The following BMPR1A variants were observed in gnomAD, a reference collection of about 807,000 sequenced individuals.
The protein encoded by BMPR1A is bone morphogenetic protein receptor type 1A.
BMPR1A carries 7 observed loss-of-function variants against 66.0 expected under a neutral mutation model. The ratio of observed to expected loss-of-function variants is 0.11; its 90% CI spans 0.06 to 0.20. The LOEUF (loss-of-function observed/expected upper bound fraction) is 0.20. Ranked by LOEUF, BMPR1A falls within the 10% of genes least tolerant of loss-of-function variation. BMPR1A has a pLI of 1.00. For missense variants in BMPR1A, 408 were observed against 669.1 expected, an observed-to-expected ratio of 0.61 and a Z score of 4.31; for synonymous variants, 200 against 229.7, an observed-to-expected ratio of 0.87 and a Z score of 1.17.
intron 2 of BMPR1A, among the ~76,000 whole-genome samples, chr10:86,869,974 C>T (rs1842834509): frequency 6.6e-6 from 1 of 151,754 alleles, no homozygotes; most frequent in Non-Finnish European, 1.5e-5. Flanking sequence ...TAAGTAATTC[C>T]CCAAAATCAC....
chr10:86,866,221 C>CTT (rs567037609), intron 2 of BMPR1A, among the ~76,000 whole-genome samples: 27 of 124,008 alleles, frequency 2.2e-4, no homozygotes, highest in African/African-American at 5.9e-4. Context: ...GAAGAGGGAG[C>CTT]TTTTTTTTTT....
At chr10:86,917,366 G>A in intron 9 of BMPR1A, 40 bp downstream of exon 9, 3 of 1,608,956 alleles carry the variant, frequency 1.9e-6, no homozygotes, top group Non-Finnish European at 2.6e-6. Context: ...TTTTTGACAA[G>A]GCTAGTGAGG....
intron 1 of BMPR1A, among the ~76,000 whole-genome samples, chr10:86,782,518 T>A (rs559910528): frequency 6.6e-6 from 1 of 150,922 alleles, no homozygotes; most frequent in East Asian, 1.9e-4. Context: ...TTGTTTTTTG[T>A]TTTTTTTTGA....
At chr10:86,840,099 G>C (rs1212396653) in intron 2 of BMPR1A, among the ~76,000 whole-genome samples, 3 of 152,212 alleles carry the variant, frequency 2.0e-5, no homozygotes, top group Non-Finnish European at 2.9e-5. Context: ...CAGGCTTACT[G>C]TTTTAAAATC....
chr10:86,874,663 T>C, intron 2 of BMPR1A, among the ~76,000 whole-genome samples: 1 of 148,726 alleles, frequency 6.7e-6, no homozygotes, highest in Non-Finnish European at 1.5e-5. Context: ...CACCTCAGCC[T>C]CTCAAAGTGC....
At chr10:86,820,396 A>C (rs1353246316) in intron 1 of BMPR1A, among the ~76,000 whole-genome samples, 2 of 151,038 alleles carry the variant, frequency 1.3e-5, no homozygotes, top group Non-Finnish European at 2.9e-5. Context: ...TTCTTAGAGA[A>C]GCTAGAGGGT....
intron 10 of BMPR1A, among the ~76,000 whole-genome samples, chr10:86,920,270 G>C (rs1291567162): frequency 6.6e-6 from 1 of 152,154 alleles, no homozygotes; most frequent in African/African-American, 2.4e-5. Context: ...TTAAACTATG[G>C]TATGTTGCAT....
intron 1 of BMPR1A, among the ~76,000 whole-genome samples, chr10:86,827,488 C>G (rs767329931): frequency 6.6e-6 from 1 of 152,116 alleles, no homozygotes; most frequent in Non-Finnish European, 1.5e-5. Flanking sequence ...GGAAAAAATA[C>G]TGCTTTAAAT....
intron 1 of BMPR1A, among the ~76,000 whole-genome samples, chr10:86,816,211 T>TTTAA: frequency 6.6e-6 from 1 of 152,334 alleles, no homozygotes; most frequent in East Asian, 1.9e-4. Flanking sequence ...GTGCTGTAAC[T>TTTAA]TTAAAATAAT....
At chr10:86,802,059 A>G (rs1175286709) in intron 1 of BMPR1A, among the ~76,000 whole-genome samples, 2 of 151,928 alleles carry the variant, frequency 1.3e-5, no homozygotes, top group African/African-American at 2.4e-5. Flanking sequence ...TGCATTCCTC[A>G]GGCCATTTTT....
At chr10:86,796,277 T>C (rs1309220018) in intron 1 of BMPR1A, among the ~76,000 whole-genome samples, 38 of 152,274 alleles carry the variant, frequency 2.5e-4, no homozygotes, top group Non-Finnish European at 8.8e-5. Context: ...AATATGTGAC[T>C]GGTCCCTTTT....
At chr10:86,922,810 C>T (rs1316005649) in intron 11 of BMPR1A, among the ~76,000 whole-genome samples, 1 of 152,260 alleles carries the variant, frequency 6.6e-6, no homozygotes, top group African/African-American at 2.4e-5. Context: ...GCAGTACACA[C>T]CACATTGTTT....
chr10:86,813,351 G>A (rs1376385948), intron 1 of BMPR1A, among the ~76,000 whole-genome samples: 3 of 152,116 alleles, frequency 2.0e-5, no homozygotes, highest in African/African-American at 7.2e-5. Flanking sequence ...ATATCTCCAA[G>A]AAGCCTTGGG....
At chr10:86,912,166 A>G (rs1229564719) in intron 7 of BMPR1A, 74 bp from the exon 8 acceptor site, 3 of 1,510,364 alleles carry the variant, frequency 2.0e-6, no homozygotes, top group East Asian at 4.6e-5. Context: ...AATGGTATAG[A>G]GAACCTCAAG....
chr10:86,850,517 G>A (rs184013604), intron 2 of BMPR1A, among the ~76,000 whole-genome samples: 142 of 152,256 alleles, frequency 9.3e-4, no homozygotes, highest in Non-Finnish European at 2.4e-4. Context: ...TAGCCAGCTT[G>A]CAAGCTAGCC....
In BMPR1A at chr10:86,805,461, CTTTTTTT is replaced by C. The variant is rs1332479141; in HGVS notation, c.-267-33392_-267-33386del. ...CCTTTACCCTTACTATTTCAGTTTC[CTTTTTTT>C]TTTTTTTTTTTGAGACGGAGTCTCG... On this transcript the variant is annotated intron_variant, in intron 1 of 12. Coordinates refer to ENST00000372037, the MANE Select transcript of BMPR1A (RefSeq NM_004329.3). Among the ~76,000 whole-genome samples the C allele has an allele frequency of 2.8e-5, 3 of 109,050 alleles. 1 individual carries two copies. Among genetic ancestry groups the C allele is most frequent in the South Asian group, 3.2e-4 (1 of 3,112 alleles). 71.5% of individuals were successfully genotyped at this position (109,050 alleles called of 152,430 possible). A position where few individuals can be genotyped will look rare whatever the true frequency, so the allele number is the denominator to read the frequency against.
intron 1 of BMPR1A, among the ~76,000 whole-genome samples, chr10:86,788,853 C>G (rs1464199402): frequency 6.6e-6 from 1 of 152,112 alleles, no homozygotes; most frequent in East Asian, 1.9e-4. Context: ...GCGATTCACC[C>G]ACCTCAGTCT....
intron 1 of BMPR1A, among the ~76,000 whole-genome samples, chr10:86,793,992 A>G (rs975528335): frequency 6.6e-6 from 1 of 151,946 alleles, no homozygotes; most frequent in African/African-American, 2.4e-5. Context: ...TCTCTTTCCC[A>G]CCGTACTTGG....
At chr10:86,911,099 G>A (rs1756097372) in intron 7 of BMPR1A, among the ~76,000 whole-genome samples, 1 of 147,094 alleles carries the variant, frequency 6.8e-6, no homozygotes, top group South Asian at 2.1e-4. Flanking sequence ...AAGCTTCAGT[G>A]AGCTGAGATC....
Sources: gnomAD v4.1 joint callset for allele counts (sites outside exome capture counted in the v4.1 genomes callset) on GRCh38, gnomAD v4.1.1 for gene constraint, MANE v1.5 for transcripts, NCBI Gene and HGNC (gene_info 2026-07-23, HGNC 2026-07-21) for gene names.